Variants in AUTS2 observed in about 807,000 individuals in gnomAD.
AUTS2 encodes the protein autism susceptibility gene 2 protein.
AUTS2 carries 17 observed loss-of-function variants against 112.4 expected under a neutral mutation model. The ratio of observed to expected loss-of-function variants is 0.15; its 90% CI spans 0.10 to 0.23. The LOEUF is 0.23. AUTS2 is among the 10% of genes least tolerant of loss of function. The probability of loss-of-function intolerance (pLI) is 1.00; values close to 1 mark genes in which losing one functional copy is unlikely to be tolerated. For synonymous variants in AUTS2, 751 were observed against 702.7 expected (o/e 1.07, Z -1.09); for missense variants, 1,510 against 1,701.6 (o/e 0.89, Z 1.98).
intron 1 of AUTS2, among the ~76,000 whole-genome samples, chr7:69,793,008 A>C (rs1329434832): frequency 1.3e-5 from 2 of 152,206 alleles, no homozygotes; most frequent in African/African-American, 4.8e-5. Flanking sequence ...CTTGCTGTTC[A>C]GTCCCTTTTC....
intron 4 of AUTS2, among the ~76,000 whole-genome samples, chr7:70,385,392 G>C (rs558044091): frequency 1.3e-5 from 2 of 152,260 alleles, no homozygotes; most frequent in East Asian, 3.8e-4. Flanking sequence ...AGTATGACTT[G>C]CCAATTAAAT....
At chr7:70,545,621 CAA>C (rs1800741736) in intron 5 of AUTS2, among the ~76,000 whole-genome samples, 1 of 152,184 alleles carries the variant, frequency 6.6e-6, no homozygotes, top group Non-Finnish European at 1.5e-5. Context: ...CTGTGAATGA[CAA>C]AGTCTTTTTT....
rs200480602 is a variant in AUTS2 at position 70,774,042 on chromosome 7, C to T, written c.1845C>T (p.Ile615=). 9.9e-6 allele frequency: 16 copies of T among 1,614,028 alleles called. No individual in the cohort carries two copies. Among genetic ancestry groups the T allele is most frequent in the Non-Finnish European group, 1.3e-5 (15 of 1,180,018 alleles). ...GAFQPKTSNP[I]DVAARPGTVP... ...TTAATTTGTAGACATCCAACCCTAT[C>T]GATGTCGCTGCTCGGCCTGGGACAG... The change falls in exon 12 of 19, where the codon ATC becomes ATT. Residue 615 remains isoleucine (I), a synonymous_variant. Coordinates refer to ENST00000342771, the MANE Select transcript of AUTS2 (RefSeq NM_015570.4).
chr7:70,612,802 T>A (rs960984582), intron 5 of AUTS2, among the ~76,000 whole-genome samples: 13 of 152,022 alleles, frequency 8.6e-5, no homozygotes, highest in Non-Finnish European at 1.3e-4. Flanking sequence ...ATTTTTTTTT[T>A]AAATCAGAAG....
intron 1 of AUTS2, among the ~76,000 whole-genome samples, chr7:69,674,624 T>C (rs1404176736): frequency 1.4e-4 from 9 of 64,298 alleles, no homozygotes; most frequent in African/African-American, 4.9e-4. Context: ...CACAGGGGCA[T>C]GGGTGGGTGG....
chr7:70,581,546 A>G (rs1290655910), intron 5 of AUTS2, among the ~76,000 whole-genome samples: 2 of 152,304 alleles, frequency 1.3e-5, no homozygotes, highest in East Asian at 3.9e-4. Context: ...CCTGTTTCAA[A>G]GAAAAAAAAA....
intron 5 of AUTS2, among the ~76,000 whole-genome samples, chr7:70,583,200 AT>A (rs1802531191): frequency 6.6e-6 from 1 of 152,088 alleles, no homozygotes; most frequent in Admixed American, 6.6e-5. Context: ...TATTATCCAA[AT>A]TTTTCCCTTT....
intron 5 of AUTS2, among the ~76,000 whole-genome samples, chr7:70,681,087 C>A (rs1343125373): frequency 1.3e-5 from 2 of 151,846 alleles, no homozygotes; most frequent in Admixed American, 1.3e-4. Flanking sequence ...TCTGAAGATC[C>A]ACACTCGCTT....
chr7:70,072,605 A>C (rs964563481), intron 2 of AUTS2, among the ~76,000 whole-genome samples: 1 of 152,214 alleles, frequency 6.6e-6, no homozygotes, highest in African/African-American at 2.4e-5. Context: ...AGAGGATTCT[A>C]TCTTTCCTAG....
chr7:70,303,895 A>C (rs1300890501), intron 4 of AUTS2, among the ~76,000 whole-genome samples: 1 of 152,270 alleles, frequency 6.6e-6, no homozygotes, highest in Non-Finnish European at 1.5e-5. Context: ...TGTGTGATAT[A>C]GGAAGGGGAA....
In AUTS2 at chr7:70,788,943, A is replaced by G. The variant is rs1245823161; in HGVS notation, c.2532-805A>G. Among the ~76,000 whole-genome samples the G allele has an allele frequency of 2.0e-5, 3 of 152,144 alleles. No homozygotes were observed. The East Asian group carries it at 5.8e-4, about 29-fold the overall frequency. On this transcript the variant is annotated intron_variant, in intron 18 of 18. Transcript: ENST00000342771. ...TTGCATTTTCTGCCCAATACTCTTG[A>G]GCCCCCATCCAAGACAGGTCTCTAA...
chr7:70,710,485 A>T (rs1251854396), intron 6 of AUTS2, among the ~76,000 whole-genome samples: 1 of 152,216 alleles, frequency 6.6e-6, no homozygotes, highest in Non-Finnish European at 1.5e-5. Flanking sequence ...TTTTGACTGG[A>T]GCAATCTGAC....
At chr7:70,490,692 C>T (rs1798196513) in intron 5 of AUTS2, among the ~76,000 whole-genome samples, 1 of 152,066 alleles carries the variant, frequency 6.6e-6, no homozygotes, top group African/African-American at 2.4e-5. Flanking sequence ...GAGCATTGGC[C>T]AGTAAGTCAA....
chr7:70,153,463 AC>A (rs1175107964), intron 4 of AUTS2, among the ~76,000 whole-genome samples: 1 of 152,144 alleles, frequency 6.6e-6, no homozygotes, highest in South Asian at 2.1e-4. Context: ...GCAGGAGTAA[AC>A]TTTTGTAGGT....
intron 1 of AUTS2, among the ~76,000 whole-genome samples, chr7:69,615,165 CTGG>C (rs2129084407): frequency 6.6e-6 from 1 of 152,258 alleles, no homozygotes; most frequent in Admixed American, 6.5e-5. Context: ...CCTTGCCCCT[CTGG>C]TGGTCTATAA....
chr7:70,619,931 A>G (rs1804581723), intron 5 of AUTS2, among the ~76,000 whole-genome samples: 1 of 152,246 alleles, frequency 6.6e-6, no homozygotes, highest in Admixed American at 6.5e-5. Context: ...TCCCAGCCAC[A>G]GAGCTGGAAG....
intron 5 of AUTS2, among the ~76,000 whole-genome samples, chr7:70,506,837 C>T (rs781145166): frequency 4.6e-5 from 7 of 152,188 alleles, no homozygotes; most frequent in Non-Finnish European, 1.5e-5. Context: ...AATGCAGGTA[C>T]ATGTATGGTG....
chr7:70,080,136 A>C (rs576074709), intron 2 of AUTS2, among the ~76,000 whole-genome samples: 8 of 152,280 alleles, frequency 5.3e-5, no homozygotes, highest in African/African-American at 1.9e-4. Flanking sequence ...AAATTTGGTC[A>C]TTTGTTTTGT....
At chr7:70,320,400 C>T (rs1459933138) in intron 4 of AUTS2, among the ~76,000 whole-genome samples, 10 of 152,218 alleles carry the variant, frequency 6.6e-5, no homozygotes, top group African/African-American at 2.2e-4. Flanking sequence ...AATTCACAAT[C>T]TTTGTACATA....
Sources: allele counts gnomAD v4.1 joint callset (sites outside exome capture counted in the v4.1 genomes callset), GRCh38; gene constraint gnomAD v4.1.1; transcripts MANE v1.5; gene names NCBI Gene and HGNC (gene_info 2026-07-23, HGNC 2026-07-21).